NKAIN2: variants seen among roughly 807,000 people sequenced by gnomAD.
The protein encoded by NKAIN2 is sodium/potassium transporting ATPase interacting 2, also known as sodium/potassium-transporting ATPase subunit beta-1-interacting protein 2.
Under a neutral mutation model 32.6 loss-of-function variants are expected in NKAIN2, and 14 were observed. The ratio of observed to expected loss-of-function variants is 0.43; its 90% CI spans 0.28 to 0.67. The LOEUF is 0.67. Among genes scored for constraint, NKAIN2 ranks in the 30% least tolerant of loss-of-function variants. NKAIN2 has a pLI of 0.17. For missense variants in NKAIN2, 198 were observed against 258.3 expected, an observed-to-expected ratio of 0.77 and a Z score of 1.60; for synonymous variants, 80 against 87.2, an observed-to-expected ratio of 0.92 and a Z score of 0.46.
Position 124,344,548 on chromosome 6 carries a change from G to T in NKAIN2, c.193-10719G>T, listed in dbSNP as rs368541833. Among the ~76,000 whole-genome samples, 8 of 151,180 alleles carry T rather than the reference G, an allele frequency of 5.3e-5. No individual in the cohort carries two copies. The East Asian group carries it at 9.7e-4, about 18-fold the overall frequency. On this transcript the variant is annotated intron_variant, in intron 2 of 6. Transcript: ENST00000368417. ...AGTTCTCCTTGAAGAGGTCCTTCACGTCCCTTGTAAGTTGGATTCCTAAGT... is the reference window on the plus strand; with the variant it reads ...AGTTCTCCTTGAAGAGGTCCTTCACTTCCCTTGTAAGTTGGATTCCTAAGT...
intron 4 of NKAIN2, among the ~76,000 whole-genome samples, chr6:124,776,612 G>T (rs1245935192): frequency 6.6e-6 from 1 of 152,150 alleles, no homozygotes. Flanking sequence ...TAAGGGTAGG[G>T]TTGTGCGTTT....
chr6:124,366,449 A>G (rs1464639473), intron 3 of NKAIN2, among the ~76,000 whole-genome samples: 3 of 151,236 alleles, frequency 2.0e-5, no homozygotes, highest in African/African-American at 7.3e-5. Flanking sequence ...ATCTTTTGAC[A>G]GAAAAAAAAA....
chr6:124,084,383 T>A (rs2114914130), intron 1 of NKAIN2, among the ~76,000 whole-genome samples: 1 of 152,080 alleles, frequency 6.6e-6, no homozygotes, highest in South Asian at 2.1e-4. Context: ...CATACAGGTT[T>A]GTAGCTTAGG....
intron 3 of NKAIN2, among the ~76,000 whole-genome samples, chr6:124,560,200 T>C (rs553117470): frequency 2.0e-5 from 3 of 152,170 alleles, no homozygotes; most frequent in Admixed American, 1.3e-4. Flanking sequence ...AATTAAATCA[T>C]GGGGGCAGTT....
At chr6:124,274,614 T>C (rs147180999) in intron 1 of NKAIN2, among the ~76,000 whole-genome samples, 338 of 152,268 alleles carry the variant, frequency 2.2e-3, no homozygotes, top group African/African-American at 7.7e-3. Flanking sequence ...TCATCATCAA[T>C]GTGATTCCCT....
At chr6:123,998,829 A>G (rs1251670459) in intron 1 of NKAIN2, among the ~76,000 whole-genome samples, 3 of 149,276 alleles carry the variant, frequency 2.0e-5, no homozygotes. Context: ...ATATATATAT[A>G]TGGTGATGGT....
chr6:124,583,969 T>C (rs1170231384), intron 3 of NKAIN2, among the ~76,000 whole-genome samples: 1 of 152,122 alleles, frequency 6.6e-6, no homozygotes, highest in African/African-American at 2.4e-5. Context: ...GACCCCTATC[T>C]CTCACCACAT....
chr6:124,746,516 A>C (rs1450048812), intron 4 of NKAIN2, among the ~76,000 whole-genome samples: 2 of 151,874 alleles, frequency 1.3e-5, no homozygotes, highest in African/African-American at 4.8e-5. Flanking sequence ...TCACAGCATA[A>C]ATTTTTTGAC....
intron 1 of NKAIN2, among the ~76,000 whole-genome samples, chr6:124,216,603 C>T (rs9482515): frequency 0.012 from 1,854 of 152,194 alleles, 36 homozygotes; most frequent in African/African-American, 0.043. Flanking sequence ...CTGTTTTAAA[C>T]GGCCTGCAAA....
intron 1 of NKAIN2, among the ~76,000 whole-genome samples, chr6:124,228,533 G>A (rs1005576281): frequency 5.3e-5 from 8 of 152,178 alleles, no homozygotes; most frequent in African/African-American, 1.4e-4. Flanking sequence ...CATCACACTG[G>A]GGGTTAGGGA....
chr6:124,055,488 A>T (rs537276890), intron 1 of NKAIN2, among the ~76,000 whole-genome samples: 1 of 152,104 alleles, frequency 6.6e-6, no homozygotes, highest in East Asian at 1.9e-4. Flanking sequence ...CTAATTACAC[A>T]CTGCTTTTTT....
intron 1 of NKAIN2, among the ~76,000 whole-genome samples, chr6:124,201,492 A>G (rs960676115): frequency 6.6e-6 from 1 of 152,014 alleles, no homozygotes; most frequent in Non-Finnish European, 1.5e-5. Flanking sequence ...TATAATTTTA[A>G]AATGTAGTTA....
chr6:123,843,865 T>C (rs11966342), intron 1 of NKAIN2, among the ~76,000 whole-genome samples: 40,485 of 151,950 alleles, frequency 0.27, 6,254 homozygotes, highest in Non-Finnish European at 0.34. Context: ...AAAAGTTTTC[T>C]AGGAACAACC....
intron 1 of NKAIN2, among the ~76,000 whole-genome samples, chr6:124,047,456 A>G (rs1355527746): frequency 6.6e-6 from 1 of 151,922 alleles, no homozygotes; most frequent in African/African-American, 2.4e-5. Context: ...CTCTATATAT[A>G]TATAGTTAAA....
chr6:124,309,256 A>C (rs142890649), intron 2 of NKAIN2, among the ~76,000 whole-genome samples: 10 of 152,282 alleles, frequency 6.6e-5, no homozygotes, highest in South Asian at 2.1e-4. Flanking sequence ...TCAATGCTTT[A>C]AAATTGGTGT....
At chr6:124,397,281 A>G (rs1773420998) in intron 3 of NKAIN2, among the ~76,000 whole-genome samples, 1 of 152,086 alleles carries the variant, frequency 6.6e-6, no homozygotes, top group African/African-American at 2.4e-5. Context: ...AAATGTAATT[A>G]TAATTTTTCA....
At chr6:124,687,143 T>C (rs1307537963) in intron 4 of NKAIN2, among the ~76,000 whole-genome samples, 1 of 148,916 alleles carries the variant, frequency 6.7e-6, no homozygotes, top group African/African-American at 2.5e-5. Context: ...TAAATATATA[T>C]ATATATGGAA....
chr6:124,165,762 TG>T (rs1371003098), intron 1 of NKAIN2, among the ~76,000 whole-genome samples: 2 of 147,452 alleles, frequency 1.4e-5, no homozygotes, highest in Non-Finnish European at 3.0e-5. Context: ...TGAGAACATG[TG>T]GTGTTTGGTT....
At chr6:124,553,942 A>T (rs1262954217) in intron 3 of NKAIN2, among the ~76,000 whole-genome samples, 1 of 152,178 alleles carries the variant, frequency 6.6e-6, no homozygotes. Flanking sequence ...GATAATTTTT[A>T]TGTGAGTCTT....
Sources: gnomAD v4.1 joint callset for allele counts (sites outside exome capture counted in the v4.1 genomes callset) on GRCh38, gnomAD v4.1.1 for gene constraint, MANE v1.5 for transcripts, NCBI Gene and HGNC (gene_info 2026-07-23, HGNC 2026-07-21) for gene names.